CLIP2: variants seen among roughly 807,000 people sequenced by gnomAD.
The protein encoded by CLIP2 is CAP-Gly domain-containing linker protein 2.
A neutral mutation model predicts 111.7 loss-of-function variants in CLIP2; 41 were observed. The observed-to-expected ratio is 0.37, with a 90% CI of 0.29 to 0.48. The LOEUF (loss-of-function observed/expected upper bound fraction) is 0.48, where lower values mean the gene tolerates loss of function less well. CLIP2 is among the 20% of genes least tolerant of loss of function. The pLI, the probability that CLIP2 is intolerant of heterozygous loss-of-function variation, is 0.99. For synonymous variants in CLIP2, 660 were observed against 644.2 expected, an observed-to-expected ratio of 1.02 and a Z score of -0.37; for missense variants, 1,160 against 1,422.1, an observed-to-expected ratio of 0.82 and a Z score of 2.96.
Position 74,338,583 on chromosome 7 carries a change from G to T in CLIP2, c.257G>T (p.Trp86Leu). 1 of 1,575,282 alleles carries T rather than the reference G, an allele frequency of 6.3e-7. No individual in the cohort carries two copies. The highest frequency in any genetic ancestry group is 2.4e-5 in the East Asian group (1 of 42,328). ...LGDFVVGERV[W>L]VNGVKPGVVQ... ...GACTTTGTGGTGGGCGAGCGGGTGT[G>T]GGTGAACGGCGTGAAGCCAGGCGTG... is the stretch of plus-strand genomic sequence containing the variant. Residue 86 changes from tryptophan to leucine, a missense_variant, in exon 3 of 17, where the codon TGG becomes TTG. Coordinates refer to ENST00000223398, the MANE Select transcript of CLIP2 (RefSeq NM_003388.5). The surrounding 1 kb of genome is among the most constrained non-coding windows in gnomAD (Gnocchi z 4.3).
At chr7:74,354,429 C>T (rs1420990311) in intron 4 of CLIP2, among the ~76,000 whole-genome samples, 1 of 152,044 alleles carries the variant, frequency 6.6e-6, no homozygotes, top group Non-Finnish European at 1.5e-5. Context: ...GCCTGGCCAA[C>T]ATGGTGAAAC....
intron 3 of CLIP2, among the ~76,000 whole-genome samples, chr7:74,342,491 G>C (rs1405644601): frequency 2.6e-5 from 4 of 152,210 alleles, no homozygotes; most frequent in African/African-American, 9.6e-5. Flanking sequence ...ACAGGGCCAG[G>C]GACCTGGGAT....
At chr7:74,298,588 CGTG>C (rs1788237724) in intron 1 of CLIP2, among the ~76,000 whole-genome samples, 1 of 14,772 alleles carries the variant, frequency 6.8e-5, no homozygotes, top group Non-Finnish European at 2.8e-4. Flanking sequence ...AGTGCAGTGG[CGTG>C]GCGTGATCTC....
chr7:74,354,702 C>T lies in CLIP2; in HGVS notation c.803+698C>T, dbSNP rs185133700. 5.9e-5 allele frequency among the ~76,000 whole-genome samples: 9 copies of T among 151,892 alleles called. No individual in the cohort carries two copies. In the East Asian group the frequency reaches 7.7e-4, roughly 13 times the overall value. ...ATGAGAATTGCTGGAACCCGGGAGG[C>T]GAAGGTTGCAGTGAGCTGAGATCAC... On this transcript the variant is annotated intron_variant, in intron 4 of 16. Transcript: ENST00000223398.
intron 14 of CLIP2, among the ~76,000 whole-genome samples, chr7:74,397,889 G>A (rs1293114287): frequency 6.6e-6 from 1 of 151,398 alleles, no homozygotes. Context: ...GGATGGTCTC[G>A]AACTCCTGAC....
chr7:74,349,470 GTATATATATATATATATATA>G lies in CLIP2; in HGVS notation c.679-4388_679-4369del, dbSNP rs1158400867. 4.4e-3 allele frequency among the ~76,000 whole-genome samples: 148 copies of G among 33,800 alleles called. 3 individuals are homozygous for G. The highest frequency in any genetic ancestry group is 0.021 in the Admixed American group (35 of 1,694). The allele number at this position is 33,800 out of a possible 152,430, so 22.2% of individuals were successfully genotyped here. A position where few individuals can be genotyped will look rare whatever the true frequency, so the allele number is the denominator to read the frequency against. On this transcript the variant is annotated intron_variant, in intron 3 of 16. Coordinates refer to ENST00000223398, the MANE Select transcript of CLIP2 (RefSeq NM_003388.5). ...AAAGTATGTATGTGTGTGTGTGTGT[GTATATATATATATATATATA>G]TATATATATATATATATATATGTAA...
chr7:74,349,470 G>GTGTATATATATATA (rs1181485819), intron 3 of CLIP2, among the ~76,000 whole-genome samples: 1 of 33,768 alleles, frequency 3.0e-5, no homozygotes, highest in Non-Finnish European at 5.6e-5. Flanking sequence ...GTGTGTGTGT[G>GTGTATATATATATA]TATATATATA....
chr7:74,374,437 G>A (rs1299837462), intron 9 of CLIP2, among the ~76,000 whole-genome samples: 1 of 152,226 alleles, frequency 6.6e-6, no homozygotes, highest in Non-Finnish European at 1.5e-5. Context: ...AGGGCTGGGT[G>A]TGGTGGCTCA....
chr7:74,326,160 A>G (rs576461748), intron 2 of CLIP2, among the ~76,000 whole-genome samples: 22 of 152,166 alleles, frequency 1.4e-4, no homozygotes, highest in Admixed American at 1.4e-3. Context: ...GAATGGCTTG[A>G]ACCTGGAAGG....
chr7:74,321,617 C>G (rs180930845), intron 2 of CLIP2, among the ~76,000 whole-genome samples: 1 of 151,916 alleles, frequency 6.6e-6, no homozygotes, highest in Admixed American at 6.6e-5. Context: ...TACAGGCGCC[C>G]GCCACCACGC....
At chr7:74,341,745 C>T (rs1037005175) in intron 3 of CLIP2, among the ~76,000 whole-genome samples, 4 of 152,122 alleles carry the variant, frequency 2.6e-5, no homozygotes, top group Non-Finnish European at 4.4e-5. Flanking sequence ...GCCCATGCCA[C>T]CATACCTGGC....
Position 74,404,778 on chromosome 7 carries a change from A to T in CLIP2, c.*930A>T, listed in dbSNP as rs746538295. The T allele has an allele frequency of 6.6e-6, 1 of 152,140 alleles. No individual in the cohort carries two copies. Among genetic ancestry groups the T allele is most frequent in the Admixed American group, 6.6e-5 (1 of 15,260 alleles). The allele number at this position is 152,140 out of a possible 1,614,324, so 9.4% of individuals were successfully genotyped here. A position where few individuals can be genotyped will look rare whatever the true frequency, so the allele number is the denominator to read the frequency against. On this transcript the variant is annotated 3_prime_UTR_variant, in exon 17 of 17. Coordinates refer to ENST00000223398, the MANE Select transcript of CLIP2 (RefSeq NM_003388.5). Reference sequence around the variant, plus strand: ...TGGAGATGCAGCTAAGTGGGTCCTTATGTACACACCACGTTCACACACACA... The same window carrying T: ...TGGAGATGCAGCTAAGTGGGTCCTTTTGTACACACCACGTTCACACACACA...
At chr7:74,340,375 G>A (rs1001313216) in intron 3 of CLIP2, among the ~76,000 whole-genome samples, 2 of 152,186 alleles carry the variant, frequency 1.3e-5, no homozygotes, top group African/African-American at 4.8e-5. Context: ...CAGCCTGGGT[G>A]ACAGAGTGAG....
intron 1 of CLIP2, among the ~76,000 whole-genome samples, chr7:74,307,275 G>A (rs1003727257): frequency 6.6e-6 from 1 of 152,182 alleles, no homozygotes; most frequent in African/African-American, 2.4e-5. Context: ...GCTCACAAAT[G>A]TTATTCCAGG....
chr7:74,326,937 G>A (rs955372547), intron 2 of CLIP2, among the ~76,000 whole-genome samples: 1 of 148,832 alleles, frequency 6.7e-6, no homozygotes, highest in Admixed American at 6.7e-5. Flanking sequence ...TGCCTGGCCT[G>A]TTTTTGTTTT....
chr7:74,392,333 A>C (rs1387657927), intron 13 of CLIP2, among the ~76,000 whole-genome samples: 3 of 148,380 alleles, frequency 2.0e-5, no homozygotes, highest in African/African-American at 7.5e-5. Flanking sequence ...CCTGGGCGAC[A>C]GAGTGAGACT....
chr7:74,346,917 C>T (rs1789814103), intron 3 of CLIP2, among the ~76,000 whole-genome samples: 1 of 151,742 alleles, frequency 6.6e-6, no homozygotes, highest in Admixed American at 6.6e-5. Flanking sequence ...CGCATGCCTC[C>T]AGTCCCAACT....
chr7:74,310,861 G>A (rs369229848), intron 1 of CLIP2, among the ~76,000 whole-genome samples: 7 of 152,068 alleles, frequency 4.6e-5, no homozygotes, highest in South Asian at 4.1e-4. Context: ...ACAGGCACAC[G>A]CCACCATGCC....
chr7:74,338,440 C>A lies in CLIP2; in HGVS notation c.122-8C>A. Reference sequence around the variant, plus strand: ...CACCTCTTTCCCTTTCCCTCTCCTTCTCTGCAGGCTCCCCACTGCACAAAC... The same window carrying A: ...CACCTCTTTCCCTTTCCCTCTCCTTATCTGCAGGCTCCCCACTGCACAAAC... On this transcript the variant is annotated splice_polypyrimidine_tract_variant and splice_region_variant and intron_variant, in intron 2 of 16. Transcript: ENST00000223398. The surrounding 1 kb of genome is among the most constrained non-coding windows in gnomAD (Gnocchi z 4.3). 6.2e-7 allele frequency: 1 copy of A among 1,611,624 alleles called. No homozygotes were observed.
Sources: gnomAD v4.1 joint callset for allele counts (sites outside exome capture counted in the v4.1 genomes callset) on GRCh38, gnomAD v4.1.1 for gene constraint, Gnocchi (gnomAD v3.1) non-coding constraint, MANE v1.5 for transcripts, NCBI Gene and HGNC (gene_info 2026-07-23, HGNC 2026-07-21) for gene names.